LARP4: variants seen among roughly 807,000 people sequenced by gnomAD.
LARP4 encodes the protein la-related protein 4.
Under a neutral mutation model 92.9 loss-of-function variants are expected in LARP4, and 29 were observed. The ratio of observed to expected loss-of-function variants is 0.31; its 90% CI spans 0.23 to 0.43. The LOEUF (loss-of-function observed/expected upper bound fraction) is 0.43. Among genes scored for constraint, LARP4 ranks in the 20% least tolerant of loss-of-function variants. The pLI, the probability that LARP4 is intolerant of heterozygous loss-of-function variation, is 1.00. For missense variants in LARP4, 732 were observed against 860.0 expected, an observed-to-expected ratio of 0.85 and a Z score of 1.86; for synonymous variants, 279 against 284.1, an observed-to-expected ratio of 0.98 and a Z score of 0.18.
intron 8 of LARP4, among the ~76,000 whole-genome samples, chr12:50,444,624 G>T (rs1242759040): frequency 6.6e-6 from 1 of 152,122 alleles, no homozygotes; most frequent in Non-Finnish European, 1.5e-5. Flanking sequence ...TAAGGTTCTG[G>T]TTTGTTTCTT....
rs901132276 is a variant in LARP4 at position 50,439,909 on chromosome 12, G to GAT, written c.640-527_640-526dup. Among the ~76,000 whole-genome samples, 69 of 152,224 alleles carry GAT rather than the reference G, an allele frequency of 4.5e-4. 1 individual carries two copies. The highest frequency in any genetic ancestry group is 1.6e-3 in the African/African-American group (65 of 41,518). On this transcript the variant is annotated intron_variant, in intron 6 of 15. Transcript: ENST00000398473. ...TTTATACTAATTACGGAAAAGAGAA[G>GAT]ATATGTTTGCACATTAACTAATGTA...
At chr12:50,421,613 C>G (rs1308034340) in intron 1 of LARP4, among the ~76,000 whole-genome samples, 1 of 151,548 alleles carries the variant, frequency 6.6e-6, no homozygotes, top group Admixed American at 6.6e-5. Context: ...CCACTGCAGC[C>G]CAGCCTGGGA....
chr12:50,428,773 C>T (rs1949197112), intron 2 of LARP4, 162 bp from the exon 3 acceptor site: 2 of 550,192 alleles, frequency 3.6e-6, no homozygotes, highest in Non-Finnish European at 6.2e-6. Flanking sequence ...ATTGTCAAAA[C>T]TTATCTCCCT....
rs747339647 is a variant in LARP4, at chr12:50,462,618, T to C, written c.1371T>C (p.Asp457=). The change falls in exon 12 of 16, where the codon GAT becomes GAC. Residue 457 remains aspartate (D), a synonymous_variant. Coordinates refer to ENST00000398473, the MANE Select transcript of LARP4 (RefSeq NM_052879.5). ...TLFRGRRRRE[D]DRISRPHPST... ...TCAGAGGTCGAAGACGACGAGAAGA[T>C]GACAGGATCTCAGTAAGTTTTTTAA... 6 of 1,361,170 alleles carry C rather than the reference T, an allele frequency of 4.4e-6. No individual in the cohort carries two copies. The highest frequency in any genetic ancestry group is 5.8e-6 in the Non-Finnish European group (6 of 1,030,174). 84.3% of individuals were successfully genotyped at this position (1,361,170 alleles called of 1,614,324 possible).
At chr12:50,446,264 C>T (rs1411019232) in intron 8 of LARP4, among the ~76,000 whole-genome samples, 8 of 144,380 alleles carry the variant, frequency 5.5e-5, no homozygotes, top group African/African-American at 2.1e-4. Flanking sequence ...CCTCAGCCTC[C>T]CAAAGTGCTG....
chr12:50,411,773 C>T (rs1053334523), intron 1 of LARP4, among the ~76,000 whole-genome samples: 5 of 152,092 alleles, frequency 3.3e-5, no homozygotes, highest in African/African-American at 7.2e-5. Flanking sequence ...CTCTGCCCCC[C>T]GAGTTCAAGT....
In LARP4 at chr12:50,479,419, A is replaced by G. The variant is rs1593539591; in HGVS notation, c.*3555A>G. 6.6e-6 allele frequency: 1 copy of G among 152,146 alleles called. No individual in the cohort carries two copies. Among genetic ancestry groups the G allele is most frequent in the South Asian group, 2.1e-4 (1 of 4,832 alleles). The allele number at this position is 152,146 out of a possible 1,614,324, so 9.4% of individuals were successfully genotyped here. On this transcript the variant is annotated 3_prime_UTR_variant, in exon 16 of 16. Transcript: ENST00000398473. ...ATATTTCCTTACAATTTTGGTGGCC[A>G]TTAATTTAACTTTAGGCTTTTGGGC...
chr12:50,438,314 T>C (rs1313106742), intron 6 of LARP4, among the ~76,000 whole-genome samples: 1 of 151,934 alleles, frequency 6.6e-6, no homozygotes. Flanking sequence ...CTGGCTAATA[T>C]GGTGAAACCC....
At chr12:50,423,554 T>G (rs148570179) in intron 1 of LARP4, among the ~76,000 whole-genome samples, 6,087 of 152,184 alleles carry the variant, frequency 0.04, 409 homozygotes, top group African/African-American at 0.14. Context: ...GTTCCAGCGA[T>G]TCTCCTGCCT....
In LARP4 at chr12:50,462,650, T is replaced by C. The variant is rs374822521; in HGVS notation, c.1383+20T>C. The stretch of plus-strand genomic sequence containing the variant: ...ATCTCAGTAAGTTTTTTAAAACTTT[T>C]ATTCAGACTTTTTTCTCTTCTGTGA... On this transcript the variant is annotated intron_variant, in intron 12 of 15. Transcript: ENST00000398473. 1 of 1,540,336 alleles carries C rather than the reference T, an allele frequency of 6.5e-7. No homozygotes were observed. Among genetic ancestry groups the C allele is most frequent in the Non-Finnish European group, 8.9e-7 (1 of 1,119,676 alleles).
At chr12:50,463,551 C>T (rs1281432522) in intron 12 of LARP4, among the ~76,000 whole-genome samples, 1 of 151,870 alleles carries the variant, frequency 6.6e-6, no homozygotes, top group Non-Finnish European at 1.5e-5. Flanking sequence ...TGTGCCACTG[C>T]ACTCCAGCCT....
chr12:50,409,991 C>T (rs1945562246), intron 1 of LARP4, among the ~76,000 whole-genome samples: 1 of 151,108 alleles, frequency 6.6e-6, no homozygotes, highest in Non-Finnish European at 1.5e-5. Context: ...GGGGTTTCTC[C>T]ATGTTGGTCA....
chr12:50,462,541 CCCT>C, intron 11 of LARP4, 38 bp from the exon 12 acceptor site: 10 of 811,548 alleles, frequency 1.2e-5, no homozygotes, highest in African/African-American at 1.8e-5. Context: ...TATGACTTGT[CCCT>C]CCACCCCACC....
intron 12 of LARP4, among the ~76,000 whole-genome samples, chr12:50,463,649 A>G (rs1055822080): frequency 3.3e-5 from 5 of 152,074 alleles, no homozygotes; most frequent in Non-Finnish European, 7.4e-5. Context: ...ACACTGATGC[A>G]AGGGTTGGGC....
chr12:50,415,015 C>G (rs577950177), intron 1 of LARP4, among the ~76,000 whole-genome samples: 1 of 152,116 alleles, frequency 6.6e-6, no homozygotes, highest in African/African-American at 2.4e-5. Flanking sequence ...CCAGCCTGGC[C>G]AACATTGTGA....
intron 5 of LARP4, among the ~76,000 whole-genome samples, chr12:50,437,463 T>G (rs948657248): frequency 1.3e-5 from 2 of 152,206 alleles, no homozygotes; most frequent in African/African-American, 4.8e-5. Context: ...TAGATATATG[T>G]TGTATGCTCC....
At chr12:50,462,548 C>T (rs772763329) in intron 11 of LARP4, 34 bp from the exon 12 acceptor site, 42 of 1,152,134 alleles carry the variant, frequency 3.6e-5, no homozygotes, top group Admixed American at 3.1e-4. Flanking sequence ...TGTCCCTCCA[C>T]CCCACCCCAC....
intron 8 of LARP4, among the ~76,000 whole-genome samples, chr12:50,451,524 C>G (rs1953186052): frequency 1.3e-5 from 2 of 151,980 alleles, no homozygotes; most frequent in South Asian, 4.1e-4. Flanking sequence ...ATGGTGAAAC[C>G]CCATCTCTAG....
At chr12:50,402,630 T>C (rs1944075543) in intron 1 of LARP4, 1 of 274,282 alleles carries the variant, frequency 3.6e-6, no homozygotes, top group African/African-American at 2.3e-5. Flanking sequence ...TTGTTTAAAC[T>C]AGGTCTTCTC....
Sources: allele counts gnomAD v4.1 joint callset (sites outside exome capture counted in the v4.1 genomes callset), GRCh38; gene constraint gnomAD v4.1.1; transcripts MANE v1.5; gene names NCBI Gene and HGNC (gene_info 2026-07-23, HGNC 2026-07-21).